Variants in SIPA1L2 observed in about 807,000 individuals in gnomAD.
SIPA1L2 encodes signal-induced proliferation-associated 1-like protein 2.
SIPA1L2 carries 56 observed loss-of-function variants against 163.9 expected under a neutral mutation model. The ratio of observed to expected loss-of-function variants is 0.34; its 90% CI spans 0.28 to 0.43. The LOEUF is 0.43. Among genes scored for constraint, SIPA1L2 ranks in the 20% least tolerant of loss-of-function variants. SIPA1L2 has a pLI of 1.00. For synonymous variants in SIPA1L2, 877 were observed against 865.7 expected, an observed-to-expected ratio of 1.01 and a Z score of -0.23; for missense variants, 1,974 against 2,193.5, an observed-to-expected ratio of 0.90 and a Z score of 2.00.
chr1:232,415,715 C>G, intron 18 of SIPA1L2, 90 bp from the exon 19 acceptor site: 1 of 1,561,876 alleles, frequency 6.4e-7, no homozygotes, highest in Non-Finnish European at 8.7e-7. Flanking sequence ...CACTGCCCCT[C>G]CCAGAGTCAG....
chr1:232,485,732 T>G (rs1311221254), intron 5 of SIPA1L2, among the ~76,000 whole-genome samples: 1 of 152,196 alleles, frequency 6.6e-6, no homozygotes. Flanking sequence ...AAATGACCAC[T>G]TCCCATCATG....
chr1:232,538,737 G>T (rs886560204), intron 2 of SIPA1L2, among the ~76,000 whole-genome samples: 2 of 150,872 alleles, frequency 1.3e-5, no homozygotes, highest in Admixed American at 6.6e-5. Flanking sequence ...TAACTGAGAA[G>T]AAAAACTTTC....
chr1:232,503,175 T>C (rs1666563939), intron 3 of SIPA1L2, among the ~76,000 whole-genome samples: 1 of 152,154 alleles, frequency 6.6e-6, no homozygotes, highest in African/African-American at 2.4e-5. Context: ...GAAAAGACTG[T>C]TGAGAAGCTG....
chr1:232,461,252 C>T, intron 9 of SIPA1L2, 91 bp from the exon 10 acceptor site: 1 of 1,516,478 alleles, frequency 6.6e-7, no homozygotes, highest in South Asian at 1.3e-5. Context: ...TCCATGCCAG[C>T]CCTCTCCCTT....
chr1:232,505,840 A>G (rs1376872732), intron 3 of SIPA1L2, among the ~76,000 whole-genome samples: 1 of 152,150 alleles, frequency 6.6e-6, no homozygotes, highest in Admixed American at 6.5e-5. Flanking sequence ...AGGAATGTGT[A>G]TCTTAGAATA....
At chr1:232,624,230 A>C (rs1385700118) in intron 1 of SIPA1L2, among the ~76,000 whole-genome samples, 1 of 152,148 alleles carries the variant, frequency 6.6e-6, no homozygotes. Context: ...AAAAGAAACC[A>C]CTGTTTCTTG....
At chr1:232,441,941 G>T in intron 12 of SIPA1L2, 73 bp from the exon 13 acceptor site, 2 of 1,310,922 alleles carry the variant, frequency 1.5e-6, no homozygotes. Flanking sequence ...GGGAGTGCTG[G>T]CTTCCAAGTA....
chr1:232,436,405 G>C (rs1246725959), intron 15 of SIPA1L2, among the ~76,000 whole-genome samples: 1 of 152,174 alleles, frequency 6.6e-6, no homozygotes, highest in Non-Finnish European at 1.5e-5. Context: ...ATAACACACG[G>C]GTCAGGGGCA....
intron 18 of SIPA1L2, among the ~76,000 whole-genome samples, chr1:232,416,939 C>A (rs1339075638): frequency 6.6e-6 from 1 of 152,192 alleles, no homozygotes; most frequent in Non-Finnish European, 1.5e-5. Flanking sequence ...ACTTATTACG[C>A]ATCTGAGGAC....
chr1:232,440,681 A>T (rs1344688753), intron 14 of SIPA1L2, among the ~76,000 whole-genome samples: 1 of 152,214 alleles, frequency 6.6e-6, no homozygotes, highest in Non-Finnish European at 1.5e-5. Flanking sequence ...AAAATAAGCC[A>T]CTTTAAAATG....
chr1:232,597,398 C>A (rs765481173), intron 1 of SIPA1L2, among the ~76,000 whole-genome samples: 2 of 151,946 alleles, frequency 1.3e-5, no homozygotes, highest in Non-Finnish European at 2.9e-5. Context: ...CAAGATTTGG[C>A]CGGGCGCGGT....
chr1:232,501,497 C>G (rs1666480744), intron 3 of SIPA1L2, among the ~76,000 whole-genome samples: 2 of 152,062 alleles, frequency 1.3e-5, no homozygotes, highest in African/African-American at 2.4e-5. Context: ...GGGAAGGCAC[C>G]TCCAGTCTCC....
intron 2 of SIPA1L2, among the ~76,000 whole-genome samples, chr1:232,548,405 T>C (rs1314749852): frequency 6.6e-6 from 1 of 152,224 alleles, no homozygotes; most frequent in African/African-American, 2.4e-5. Context: ...TACATACTTG[T>C]CTCAATTCAT....
intron 1 of SIPA1L2, among the ~76,000 whole-genome samples, chr1:232,626,144 A>C (rs577476580): frequency 6.6e-6 from 1 of 152,172 alleles, no homozygotes; most frequent in South Asian, 2.1e-4. Context: ...ATGCATTGAC[A>C]ATAGGTAGTA....
At chr1:232,427,546 A>G (rs980991355) in intron 17 of SIPA1L2, among the ~76,000 whole-genome samples, 1 of 152,174 alleles carries the variant, frequency 6.6e-6, no homozygotes, top group African/African-American at 2.4e-5. Flanking sequence ...TCTGGCACCA[A>G]ATATTTATGA....
chr1:232,547,728 C>T (rs1012284405), intron 2 of SIPA1L2, among the ~76,000 whole-genome samples: 9 of 152,234 alleles, frequency 5.9e-5, no homozygotes, highest in Admixed American at 4.6e-4. Flanking sequence ...CAGTGTTTAA[C>T]GAAAAAATTC....
At chr1:232,483,748 T>A in intron 6 of SIPA1L2, 44 bp downstream of exon 6, 1 of 1,608,838 alleles carries the variant, frequency 6.2e-7, no homozygotes, top group Non-Finnish European at 8.5e-7. Flanking sequence ...CATGCCTACC[T>A]TTGGAGAATT....
chr1:232,445,890 C>T (rs1663189016), intron 10 of SIPA1L2, 104 bp from the exon 11 acceptor site: 1 of 1,256,860 alleles, frequency 8.0e-7, no homozygotes, highest in East Asian at 2.4e-5. Flanking sequence ...TGGTGTGTGC[C>T]TCTCCCGGCT....
intron 18 of SIPA1L2, among the ~76,000 whole-genome samples, chr1:232,425,256 TTTC>T (rs1323805293): frequency 6.8e-6 from 1 of 146,776 alleles, no homozygotes; most frequent in Non-Finnish European, 1.5e-5. Context: ...ACATCAGTCT[TTTC>T]TTTTTTTTTT....
Sources: gnomAD v4.1 joint callset for allele counts (sites outside exome capture counted in the v4.1 genomes callset) on GRCh38, gnomAD v4.1.1 for gene constraint, MANE v1.5 for transcripts, NCBI Gene and HGNC (gene_info 2026-07-23, HGNC 2026-07-21) for gene names.